The following ABCC11 variants were observed in gnomAD, a reference collection of about 807,000 sequenced individuals.
ABCC11 encodes ATP-binding cassette sub-family C member 11.
Under a neutral mutation model 149.3 loss-of-function variants are expected in ABCC11, and 135 were observed. That is an observed-to-expected ratio of 0.90 (90% CI 0.79 to 1.04). The LOEUF (loss-of-function observed/expected upper bound fraction) is 1.04. Ranked by LOEUF, ABCC11 falls within the 50% of genes least tolerant of loss-of-function variation. ABCC11 has a pLI of 0.00. For synonymous variants in ABCC11, 665 were observed against 671.4 expected, an observed-to-expected ratio of 0.99 and a Z score of 0.15; for missense variants, 1,680 against 1,722.1, an observed-to-expected ratio of 0.98 and a Z score of 0.43.
intron 15 of ABCC11, 115 bp downstream of exon 15, chr16:48,200,155 GTCTAAC>G: frequency 9.2e-7 from 1 of 1,082,534 alleles, no homozygotes; most frequent in South Asian, 1.6e-5. Flanking sequence ...ATGTGGAGGA[GTCTAAC>G]CTGAGATGAG....
chr16:48,243,527 C>A (rs576905921), intron 1 of ABCC11, among the ~76,000 whole-genome samples: 1 of 152,090 alleles, frequency 6.6e-6, no homozygotes, highest in African/African-American at 2.4e-5. Context: ...TGGACCAGAT[C>A]CAATGAAGGA....
chr16:48,180,521 C>T (rs1479825743), intron 23 of ABCC11, among the ~76,000 whole-genome samples: 1 of 152,208 alleles, frequency 6.6e-6, no homozygotes, highest in African/African-American at 2.4e-5. Context: ...ATGGTCGAGG[C>T]CATTTTGAGT....
chr16:48,181,134 G>A (rs1966401433), intron 23 of ABCC11, among the ~76,000 whole-genome samples: 1 of 152,226 alleles, frequency 6.6e-6, no homozygotes, highest in Non-Finnish European at 1.5e-5. Context: ...CCTGATCTAT[G>A]TCCTGAAGCA....
intron 1 of ABCC11, chr16:48,244,723 C>A: frequency 1.3e-6 from 1 of 796,186 alleles, no homozygotes. Flanking sequence ...CAGTTCGGGG[C>A]GGCCTTCGCG....
At chr16:48,222,952 C>G (rs1969845222) in intron 5 of ABCC11, 121 bp from the exon 6 acceptor site, 1 of 840,316 alleles carries the variant, frequency 1.2e-6, no homozygotes, top group Admixed American at 2.5e-5. Context: ...AGGATCAAAA[C>G]TGACTCAAGT....
intron 10 of ABCC11, 74 bp from the exon 11 acceptor site, chr16:48,211,273 A>C: frequency 1.3e-6 from 2 of 1,530,118 alleles, no homozygotes; most frequent in Non-Finnish European, 1.8e-6. Flanking sequence ...TCCCAGTTTT[A>C]CAAGTCTGCC....
intron 1 of ABCC11, among the ~76,000 whole-genome samples, chr16:48,237,701 AC>A (rs1489592055): frequency 1.3e-5 from 2 of 152,060 alleles, no homozygotes; most frequent in African/African-American, 4.8e-5. Context: ...CTATAATCTG[AC>A]TCTGCCCACC....
chr16:48,189,062 C>T (rs969249346), intron 20 of ABCC11, among the ~76,000 whole-genome samples: 2 of 152,224 alleles, frequency 1.3e-5, no homozygotes, highest in African/African-American at 4.8e-5. Context: ...GTTGGAGGAG[C>T]AGATTTAAAG....
At chr16:48,203,504 C>T (rs1968178554) in intron 13 of ABCC11, among the ~76,000 whole-genome samples, 1 of 152,082 alleles carries the variant, frequency 6.6e-6, no homozygotes, top group African/African-American at 2.4e-5. Context: ...AAATATTTGA[C>T]CAGAATAAAA....
chr16:48,227,304 T>C (rs1252914368), intron 4 of ABCC11, among the ~76,000 whole-genome samples: 5 of 151,862 alleles, frequency 3.3e-5, no homozygotes, highest in Non-Finnish European at 7.4e-5. Context: ...TGAAACCCCA[T>C]CTCTACTAAA....
intron 1 of ABCC11, among the ~76,000 whole-genome samples, chr16:48,238,354 C>A (rs1970784684): frequency 6.6e-6 from 1 of 152,186 alleles, no homozygotes; most frequent in Admixed American, 6.5e-5. Flanking sequence ...GTCTGTTCCC[C>A]TGGCTGAGAG....
At chr16:48,198,763 G>A (rs963226454) in intron 15 of ABCC11, among the ~76,000 whole-genome samples, 1 of 152,044 alleles carries the variant, frequency 6.6e-6, no homozygotes, top group East Asian at 1.9e-4. Flanking sequence ...ATAAGGCTGG[G>A]TGCAGTGGCT....
chr16:48,207,982 G>T (rs1567522184), intron 12 of ABCC11, among the ~76,000 whole-genome samples: 1 of 151,632 alleles, frequency 6.6e-6, no homozygotes, highest in African/African-American at 2.4e-5. Flanking sequence ...ATCCTAAAAG[G>T]CACATACATC....
intron 11 of ABCC11, chr16:48,210,318 G>A (rs886244603): frequency 2.6e-5 from 4 of 152,072 alleles, no homozygotes; most frequent in Non-Finnish European, 4.4e-5. Flanking sequence ...GGCTAGAGAT[G>A]ATCACCAAGG....
intron 18 of ABCC11, among the ~76,000 whole-genome samples, 168 bp downstream of exon 18, chr16:48,196,064 G>A (rs1358233735): frequency 6.6e-6 from 1 of 152,124 alleles, no homozygotes; most frequent in Non-Finnish European, 1.5e-5. Flanking sequence ...GGCTTTGGTG[G>A]TAGAGTTGCT....
intron 23 of ABCC11, among the ~76,000 whole-genome samples, chr16:48,179,372 A>C (rs1029803380): frequency 6.6e-6 from 1 of 152,222 alleles, no homozygotes; most frequent in African/African-American, 2.4e-5. Context: ...AAGGAAACTG[A>C]GGCGCCAAAA....
chr16:48,200,530 G>T (rs779808976), intron 14 of ABCC11, 51 bp from the exon 15 acceptor site: 2 of 1,576,306 alleles, frequency 1.3e-6, no homozygotes, highest in East Asian at 2.3e-5. Flanking sequence ...GCACAGCCAG[G>T]TGTGCTCAAA....
At chr16:48,242,998 T>C (rs972423358) in intron 1 of ABCC11, among the ~76,000 whole-genome samples, 1 of 151,678 alleles carries the variant, frequency 6.6e-6, no homozygotes, top group African/African-American at 2.4e-5. Context: ...CATGTATACA[T>C]ATGTAACAAA....
intron 1 of ABCC11, among the ~76,000 whole-genome samples, chr16:48,237,375 T>C (rs914940118): frequency 2.0e-5 from 3 of 152,114 alleles, no homozygotes; most frequent in Non-Finnish European, 4.4e-5. Context: ...CCTAGGATAA[T>C]CCTTCTCAAC....
Sources: allele counts gnomAD v4.1 joint callset (sites outside exome capture counted in the v4.1 genomes callset), GRCh38; gene constraint gnomAD v4.1.1; transcripts MANE v1.5; gene names NCBI Gene and HGNC (gene_info 2026-07-23, HGNC 2026-07-21).